The following GAK variants were observed in gnomAD, a reference collection of about 807,000 sequenced individuals.
GAK encodes cyclin-G-associated kinase.
A neutral mutation model predicts 143.9 loss-of-function variants in GAK; 79 were observed. That is an observed-to-expected ratio of 0.55 (90% CI 0.46 to 0.66). GAK has a LOEUF of 0.66. GAK is among the 30% of genes least tolerant of loss of function. The pLI is 0.00. For synonymous variants in GAK, 881 were observed against 765.5 expected (o/e 1.15, Z -2.49); for missense variants, 1,693 against 1,779.7 (o/e 0.95, Z 0.88).
chr4:900,491 C>T (rs1719665108), intron 5 of GAK, among the ~76,000 whole-genome samples: 1 of 152,202 alleles, frequency 6.6e-6, no homozygotes, highest in African/African-American at 2.4e-5. Flanking sequence ...TTTCTGTTCT[C>T]CTTAAAATAC....
Position 860,838 on chromosome 4 carries a change from T to C in GAK, c.3167-1116A>G, listed in dbSNP as rs114266257. On this transcript the variant is annotated intron_variant, in intron 23 of 27. Transcript: ENST00000314167. ...CCAGGCCCTGGCACATCGTGCACTG[T>C]GCCTCCCGGAGCTCTGCAGACAGTG... is the stretch of plus-strand genomic sequence containing the variant. Among the ~76,000 whole-genome samples the C allele has an allele frequency of 9.5e-3, 1,440 of 152,336 alleles. 21 individuals carry two copies. Among genetic ancestry groups the C allele is most frequent in the African/African-American group, 0.033 (1,369 of 41,570 alleles).
In GAK at chr4:922,708, G is replaced by C. The variant is rs577841915; in HGVS notation, c.146-9040C>G. Among the ~76,000 whole-genome samples, 20 of 152,224 alleles carry C rather than the reference G, an allele frequency of 1.3e-4. No homozygotes were observed. In the East Asian group the frequency reaches 3.9e-3, roughly 29 times the overall value. On this transcript the variant is annotated intron_variant, in intron 1 of 27. Coordinates refer to ENST00000314167, the MANE Select transcript of GAK (RefSeq NM_005255.4). ...AGGCTGATACGCTCCTACATTGCTG[G>C]TGGGAATGTATGGCCACTCAAGAAA...
intron 9 of GAK, among the ~76,000 whole-genome samples, chr4:892,601 G>A (rs1717891868): frequency 6.6e-6 from 1 of 152,200 alleles, no homozygotes. Context: ...CCCTGATGCT[G>A]CCAGCAGCCA....
Position 902,967 on chromosome 4 carries a change from G to A in GAK, c.525+1670C>T, listed in dbSNP as rs182773469. On this transcript the variant is annotated intron_variant, in intron 5 of 27. Coordinates refer to ENST00000314167, the MANE Select transcript of GAK (RefSeq NM_005255.4). The stretch of plus-strand genomic sequence containing the variant: ...TCAGGAAAAGGCAAAATCACAACCC[G>A]TCAGACTATACTCCCCACCAGGCCA... 5.9e-4 allele frequency among the ~76,000 whole-genome samples: 90 copies of A among 152,298 alleles called. No individual in the cohort carries two copies. In the South Asian group the frequency reaches 0.011, roughly 18 times the overall value.
intron 1 of GAK, among the ~76,000 whole-genome samples, chr4:922,731 A>G (rs1724106870): frequency 6.6e-6 from 1 of 152,162 alleles, no homozygotes; most frequent in Non-Finnish European, 1.5e-5. Context: ...GCCACTCAAG[A>G]AAACAATCTG....
intron 1 of GAK, among the ~76,000 whole-genome samples, 190 bp downstream of exon 1, chr4:931,853 G>T (rs898893952): frequency 5.9e-5 from 9 of 152,070 alleles, no homozygotes; most frequent in Admixed American, 4.6e-4. Context: ...CTACGCCCGC[G>T]CTATGACCTT....
intron 1 of GAK, among the ~76,000 whole-genome samples, chr4:928,345 G>A (rs572656073): frequency 7.8e-4 from 119 of 152,060 alleles, no homozygotes; most frequent in Non-Finnish European, 1.2e-3. Context: ...GGCGTGAGCC[G>A]TCGTGCCCGG....
intron 24 of GAK, among the ~76,000 whole-genome samples, chr4:858,331 A>G (rs1749648301): frequency 1.3e-5 from 2 of 151,880 alleles, no homozygotes; most frequent in African/African-American, 4.8e-5. Context: ...CTGTCTTCCT[A>G]GAAGGCAGGA....
At chr4:858,148 G>A (rs1468297935) in intron 24 of GAK, among the ~76,000 whole-genome samples, 1 of 152,240 alleles carries the variant, frequency 6.6e-6, no homozygotes, top group Non-Finnish European at 1.5e-5. Context: ...GGAAAGGTCC[G>A]TGCCTGCAGC....
At chr4:910,862 T>A (rs904927355) in intron 4 of GAK, among the ~76,000 whole-genome samples, 2 of 152,150 alleles carry the variant, frequency 1.3e-5, no homozygotes, top group Non-Finnish European at 2.9e-5. Context: ...ACAGGAGTTC[T>A]GGAGGGCATC....
intron 1 of GAK, among the ~76,000 whole-genome samples, chr4:917,329 G>T (rs545301285): frequency 6.6e-6 from 1 of 150,668 alleles, no homozygotes; most frequent in East Asian, 2.0e-4. Flanking sequence ...GCCAATGCCA[G>T]GCCAAAAAAA....
chr4:892,414 G>C (rs1259556459), intron 9 of GAK, among the ~76,000 whole-genome samples: 1 of 152,240 alleles, frequency 6.6e-6, no homozygotes, highest in African/African-American at 2.4e-5. Context: ...TGAGGGCCGG[G>C]CCGCGTGTCT....
intron 15 of GAK, among the ~76,000 whole-genome samples, chr4:879,073 C>A (rs1441048068): frequency 6.6e-6 from 1 of 152,210 alleles, no homozygotes; most frequent in African/African-American, 2.4e-5. Context: ...GTGCGGCCAA[C>A]ACCTTGAACG....
chr4:903,411 G>A (rs1428803520), intron 5 of GAK, among the ~76,000 whole-genome samples: 1 of 152,206 alleles, frequency 6.6e-6, no homozygotes, highest in Non-Finnish European at 1.5e-5. Flanking sequence ...GTAGGCAAGG[G>A]GTCCGGCCCC....
rs578251206 is a variant in GAK, at chr4:897,557, G to C, written c.651+476C>G. Among the ~76,000 whole-genome samples the C allele has an allele frequency of 2.1e-3, 323 of 152,322 alleles. 2 individuals are homozygous for C. The highest frequency in any genetic ancestry group is 4.5e-3 in the Admixed American group (69 of 15,302). ...AAAGAAGCTTCGGAGGAGAGCCAAG[G>C]ACGTGAGGGGCTCAGAGGAAGGAGG... On this transcript the variant is annotated intron_variant, in intron 6 of 27. Coordinates refer to ENST00000314167, the MANE Select transcript of GAK (RefSeq NM_005255.4).
intron 1 of GAK, among the ~76,000 whole-genome samples, chr4:931,547 A>G (rs975701738): frequency 2.0e-5 from 3 of 151,732 alleles, no homozygotes; most frequent in Non-Finnish European, 4.4e-5. Flanking sequence ...TGCCTGCTCA[A>G]TAACCCCAGA....
chr4:904,974 G>C lies in GAK; in HGVS notation c.383-195C>G, dbSNP rs559996756. Among the ~76,000 whole-genome samples, 28 of 152,332 alleles carry C rather than the reference G, an allele frequency of 1.8e-4. No individual in the cohort carries two copies. The South Asian group carries it at 5.4e-3, about 29-fold the overall frequency. On this transcript the variant is annotated intron_variant, in intron 4 of 27. Coordinates refer to ENST00000314167, the MANE Select transcript of GAK (RefSeq NM_005255.4). ...GCAGATGGGAAACTGCCTGACTGCA[G>C]ATCTCCTCTTCGTTTGCAACTCTGT...
At chr4:852,093 T>A (rs1748265668) in intron 24 of GAK, 119 bp from the exon 25 acceptor site, 2 of 891,036 alleles carry the variant, frequency 2.2e-6, no homozygotes, top group Non-Finnish European at 3.6e-6. Flanking sequence ...AGAACACCGA[T>A]CACTCGAGGC....
At chr4:868,916 C>T in intron 19 of GAK, 1 of 539,986 alleles carries the variant, frequency 1.9e-6, no homozygotes, top group Non-Finnish European at 3.3e-6. Flanking sequence ...CACACGCACA[C>T]ATGAACACGC....
Sources: gnomAD v4.1 joint callset for allele counts (sites outside exome capture counted in the v4.1 genomes callset) on GRCh38, gnomAD v4.1.1 for gene constraint, MANE v1.5 for transcripts, NCBI Gene and HGNC (gene_info 2026-07-23, HGNC 2026-07-21) for gene names.